Variants in ZNF326 observed in about 807,000 individuals in gnomAD.
The protein encoded by ZNF326 is zinc finger protein 326.
ZNF326 carries 30 observed loss-of-function variants against 63.1 expected under a neutral mutation model. The ratio of observed to expected loss-of-function variants is 0.48; its 90% confidence interval spans 0.36 to 0.64. The LOEUF is 0.64. Ranked by LOEUF, ZNF326 falls within the 30% of genes least tolerant of loss-of-function variation. The pLI is 0.00. For synonymous variants in ZNF326, 194 were observed against 228.2 expected (o/e 0.85, Z 1.35); for missense variants, 609 against 720.3 (o/e 0.85, Z 1.77).
chr1:90,001,960 T>A (rs755019358), intron 2 of ZNF326, among the ~76,000 whole-genome samples: 8 of 152,188 alleles, frequency 5.3e-5, no homozygotes, highest in Non-Finnish European at 1.2e-4. Flanking sequence ...TATGATAGAG[T>A]GATCCAAGTG....
intron 4 of ZNF326, 77 bp downstream of exon 4, chr1:90,005,321 G>A: frequency 6.5e-7 from 1 of 1,533,392 alleles, no homozygotes; most frequent in Non-Finnish European, 8.7e-7. Context: ...TACTCTTTAG[G>A]CATGTTATGA....
At position 90,035,193 on chromosome 1, in the gene ZNF326, A is replaced by C. The variant is rs1650434787; in HGVS notation, c.*7492A>C. Reference sequence around the variant, plus strand: ...CAATAATGACTGTTGCCTATGCAACAATCATTTAACCCTAAGAAATAGAAG... The same window carrying C: ...CAATAATGACTGTTGCCTATGCAACCATCATTTAACCCTAAGAAATAGAAG... On this transcript the variant is annotated 3_prime_UTR_variant, in exon 12 of 12. Coordinates refer to ENST00000340281, the MANE Select transcript of ZNF326 (RefSeq NM_182976.4). 1 of 152,274 alleles carries C rather than the reference A, an allele frequency of 6.6e-6. No homozygotes were observed. Among genetic ancestry groups the C allele is most frequent in the African/African-American group, 2.4e-5 (1 of 41,470 alleles). The allele number at this position is 152,274 out of a possible 1,614,324, so 9.4% of individuals were successfully genotyped here.
chr1:89,998,353 T>G (rs1355194416), intron 2 of ZNF326, among the ~76,000 whole-genome samples, 199 bp downstream of exon 2: 1 of 151,370 alleles, frequency 6.6e-6, no homozygotes, highest in Non-Finnish European at 1.5e-5. Flanking sequence ...TTAGTTTGAT[T>G]TTTTTTTTGG....
At chr1:89,998,863 A>C (rs944001731) in intron 2 of ZNF326, among the ~76,000 whole-genome samples, 4 of 152,246 alleles carry the variant, frequency 2.6e-5, no homozygotes, top group Non-Finnish European at 5.9e-5. Context: ...GTAAAATCCA[A>C]CTTTCGTACA....
intron 11 of ZNF326, among the ~76,000 whole-genome samples, chr1:90,023,308 C>A (rs1649861153): frequency 6.6e-6 from 1 of 152,136 alleles, no homozygotes; most frequent in South Asian, 2.1e-4. Flanking sequence ...GGATTTACAA[C>A]AGTGTGTTAT....
chr1:90,008,226 T>C (rs1273811313), intron 5 of ZNF326, among the ~76,000 whole-genome samples: 1 of 152,236 alleles, frequency 6.6e-6, no homozygotes, highest in Admixed American at 6.5e-5. Context: ...GACTAAAAGT[T>C]GATGATAGAT....
At position 90,028,344 on chromosome 1, in the gene ZNF326, A is replaced by G. The variant is rs1650119548; in HGVS notation, c.*643A>G. On this transcript the variant is annotated 3_prime_UTR_variant, in exon 12 of 12. Transcript: ENST00000340281. The stretch of plus-strand genomic sequence containing the variant: ...TCACAAGTATTTTAAGATGATTGAG[A>G]AGACTTGAATTAAAGAAAAAAAAAT... 1 of 128,504 alleles carries G rather than the reference A, an allele frequency of 7.8e-6. No homozygotes were observed. Among genetic ancestry groups the G allele is most frequent in the South Asian group, 2.6e-4 (1 of 3,832 alleles). 8.0% of individuals were successfully genotyped at this position (128,504 alleles called of 1,614,324 possible). A position where few individuals can be genotyped will look rare whatever the true frequency, so the allele number is the denominator to read the frequency against.
chr1:89,996,678 G>T (rs1648391773), intron 1 of ZNF326, among the ~76,000 whole-genome samples: 1 of 151,852 alleles, frequency 6.6e-6, no homozygotes, highest in African/African-American at 2.4e-5. Context: ...GGCGAAGGTT[G>T]CAGTGAGCCG....
rs746382929 is a variant in ZNF326 at position 90,027,406 on chromosome 1, G to T, written c.1454G>T (p.Gly485Val). Residue 485 changes from glycine to valine, a missense_variant, in exon 12 of 12, where the codon GGA becomes GTA. Physicochemically the swap from Gly to Val is moderately radical, Grantham distance 109. This residue lies in a region of ZNF326 where 399 missense variants were observed against 444.3 expected (regional missense o/e 0.90). Coordinates refer to ENST00000340281, the MANE Select transcript of ZNF326 (RefSeq NM_182976.4). ...QDHSQDQQIEGDEEDEEKIDE... is the reference protein window; with the variant it reads ...QDHSQDQQIEVDEEDEEKIDE... ...CATTCTCAGGATCAGCAAATAGAAGGAGATGAGGAGGATGAAGAGAAGATT... is the reference window on the plus strand; with the variant it reads ...CATTCTCAGGATCAGCAAATAGAAGTAGATGAGGAGGATGAAGAGAAGATT... The T allele has an allele frequency of 2.4e-5, 39 of 1,613,892 alleles. No homozygotes were observed. In the Admixed American group the frequency reaches 6.2e-4, roughly 26 times the overall value.
At chr1:90,014,651 G>T (rs1649415000) in intron 7 of ZNF326, among the ~76,000 whole-genome samples, 1 of 151,872 alleles carries the variant, frequency 6.6e-6, no homozygotes, top group Admixed American at 6.6e-5. Flanking sequence ...GAATTTTGAG[G>T]CCAGCCTGGG....
Position 90,034,125 on chromosome 1 carries a change from C to T in ZNF326, c.*6424C>T, listed in dbSNP as rs918162170. The T allele has an allele frequency of 6.6e-6, 1 of 152,138 alleles. No individual in the cohort carries two copies. Among genetic ancestry groups the T allele is most frequent in the Non-Finnish European group, 1.5e-5 (1 of 67,986 alleles). The allele number at this position is 152,138 out of a possible 1,614,324, so 9.4% of individuals were successfully genotyped here. ...ATAAGGGGAAAAGAATCACATTGGT[C>T]TCAGACTTGTCATCTGTTCGTTGGA... On this transcript the variant is annotated 3_prime_UTR_variant, in exon 12 of 12. Transcript: ENST00000340281.
At position 90,029,067 on chromosome 1, in the gene ZNF326, G is replaced by A. The variant is rs1650154236; in HGVS notation, c.*1366G>A. ...GACCTGTCTGTCTTGGCCTCCCACA[G>A]TGCTGGGATTGCAGGTGTGAGCCAC... On this transcript the variant is annotated 3_prime_UTR_variant, in exon 12 of 12. Coordinates refer to ENST00000340281, the MANE Select transcript of ZNF326 (RefSeq NM_182976.4). 6.6e-6 allele frequency: 1 copy of A among 152,048 alleles called. No homozygotes were observed. The allele number at this position is 152,048 out of a possible 1,614,324, so 9.4% of individuals were successfully genotyped here.
Position 90,005,222 on chromosome 1 carries a change from AGTG to A in ZNF326, c.198_200del (p.Gly68del), listed in dbSNP as rs1219638251. The A allele has an allele frequency of 1.2e-6, 2 of 1,613,654 alleles. No homozygotes were observed. Among genetic ancestry groups the A allele is most frequent in the Non-Finnish European group, 1.7e-6 (2 of 1,179,826 alleles). ...CCAGTCATATGGCATGGACAATCACAGTGGTGGTGGTGGGGGTAGCAGGTAAAT... is the reference window on the plus strand; with the variant it reads ...CCAGTCATATGGCATGGACAATCACAGTGGTGGTGGGGGTAGCAGGTAAAT... On this transcript the variant is annotated inframe_deletion, in exon 4 of 12. Transcript: ENST00000340281.
intron 8 of ZNF326, 53 bp from the exon 9 acceptor site, chr1:90,018,632 A>G (rs774719639): frequency 2.7e-5 from 27 of 1,016,696 alleles, no homozygotes; most frequent in Non-Finnish European, 3.7e-5. Context: ...GCTAAGCATT[A>G]TACTTGAGTG....
chr1:90,002,710 C>G (rs1211342768), intron 2 of ZNF326, among the ~76,000 whole-genome samples: 1 of 152,132 alleles, frequency 6.6e-6, no homozygotes, highest in African/African-American at 2.4e-5. Context: ...GTGTAAATTA[C>G]ACACCAGATT....
chr1:90,014,395 A>T (rs1649396804), intron 7 of ZNF326, among the ~76,000 whole-genome samples: 1 of 152,202 alleles, frequency 6.6e-6, no homozygotes, highest in Non-Finnish European at 1.5e-5. Context: ...TAAGCTGTTT[A>T]ATATGATGAG....
In ZNF326 at chr1:90,030,268, AC is replaced by A. The variant is rs1650212304; in HGVS notation, c.*2569del. On this transcript the variant is annotated 3_prime_UTR_variant, in exon 12 of 12. Coordinates refer to ENST00000340281, the MANE Select transcript of ZNF326 (RefSeq NM_182976.4). ...GTTAACTAATCTTGATTCCACCCTT[AC>A]CATGATAGATTCAGTTTTCTACACA... 1 of 151,952 alleles carries A rather than the reference AC, an allele frequency of 6.6e-6. No homozygotes were observed. Among genetic ancestry groups the A allele is most frequent in the Non-Finnish European group, 1.5e-5 (1 of 68,002 alleles). The allele number at this position is 151,952 out of a possible 1,614,324, so 9.4% of individuals were successfully genotyped here. A position where few individuals can be genotyped will look rare whatever the true frequency, so the allele number is the denominator to read the frequency against.
intron 2 of ZNF326, among the ~76,000 whole-genome samples, chr1:89,999,137 G>A (rs547051730): frequency 6.6e-6 from 1 of 152,250 alleles, no homozygotes; most frequent in Non-Finnish European, 1.5e-5. Flanking sequence ...GAAAATTAAC[G>A]AGAAAGCCAT....
intron 5 of ZNF326, among the ~76,000 whole-genome samples, chr1:90,008,115 T>C (rs920203839): frequency 6.6e-6 from 1 of 152,144 alleles, no homozygotes; most frequent in African/African-American, 2.4e-5. Context: ...AGTTTTTGAG[T>C]AGGTTAAAGG....
Sources: allele counts gnomAD v4.1 joint callset (sites outside exome capture counted in the v4.1 genomes callset), GRCh38; gene constraint gnomAD v4.1.1; regional missense constraint gnomAD v4.1.1; transcripts MANE v1.5; gene names NCBI Gene and HGNC (gene_info 2026-07-23, HGNC 2026-07-21).